GLIS3: variants seen among roughly 807,000 people sequenced by gnomAD.
The protein encoded by GLIS3 is zinc finger protein GLIS3.
Under a neutral mutation model 78.6 loss-of-function variants are expected in GLIS3, and 53 were observed. That is an observed-to-expected ratio of 0.67 (90% confidence interval 0.54 to 0.85). The LOEUF (loss-of-function observed/expected upper bound fraction) is 0.85. GLIS3 is among the 40% of genes least tolerant of loss of function. The pLI, the probability that GLIS3 is intolerant of heterozygous loss-of-function variation, is 0.00. For missense variants in GLIS3, 1,703 were observed against 1,231.1 expected (o/e 1.38, Z -5.74); for synonymous variants, 684 against 509.9 (o/e 1.34, Z -4.60).
the GLIS3 span, among the ~76,000 whole-genome samples, chr9:4,447,191 G>A: frequency 1.2e-4 from 18 of 152,156 alleles, no homozygotes; most frequent in South Asian, 2.7e-3. Context: ...GGGACTATAG[G>A]CATGTGCCAC....
intron 2 of GLIS3, among the ~76,000 whole-genome samples, chr9:4,321,932 G>C (rs1165377944): frequency 6.6e-6 from 1 of 152,076 alleles, no homozygotes; most frequent in Non-Finnish European, 1.5e-5. Flanking sequence ...ATAACCTGCA[G>C]GTTTGTTACA....
At chr9:4,087,494 C>A (rs1829132679) in intron 4 of GLIS3, among the ~76,000 whole-genome samples, 1 of 152,142 alleles carries the variant, frequency 6.6e-6, no homozygotes, top group South Asian at 2.1e-4. Context: ...AGGCCTCCCT[C>A]CTCCAGTGAA....
intron 6 of GLIS3, among the ~76,000 whole-genome samples, chr9:3,907,327 TAAG>T (rs1449873948): frequency 6.6e-6 from 1 of 152,188 alleles, no homozygotes; most frequent in African/African-American, 2.4e-5. Context: ...ATTGGATTTC[TAAG>T]AAGGAGCCAC....
intron 3 of GLIS3, among the ~76,000 whole-genome samples, chr9:4,121,346 A>G (rs578027564): frequency 8.5e-5 from 13 of 152,356 alleles, no homozygotes; most frequent in African/African-American, 2.9e-4. Context: ...ATATTCTTCA[A>G]TAAATTTCAA....
At chr9:4,296,708 TG>T (rs1392108352) in intron 1 of GLIS3, among the ~76,000 whole-genome samples, 1 of 152,034 alleles carries the variant, frequency 6.6e-6, no homozygotes, top group Non-Finnish European at 1.5e-5. Context: ...CTGAGTCTTC[TG>T]GGCAAGAAAA....
chr9:4,157,958 A>C (rs182664769), intron 2 of GLIS3, among the ~76,000 whole-genome samples: 50 of 152,354 alleles, frequency 3.3e-4, no homozygotes, highest in African/African-American at 1.1e-3. Context: ...TCTTCAACTG[A>C]TAATCTTGTT....
chr9:4,031,720 C>T (rs766345370), intron 4 of GLIS3, among the ~76,000 whole-genome samples: 24 of 151,940 alleles, frequency 1.6e-4, no homozygotes, highest in Non-Finnish European at 2.5e-4. Flanking sequence ...CTCATAGGTA[C>T]CAAAGGAAAA....
intron 4 of GLIS3, among the ~76,000 whole-genome samples, chr9:4,018,770 T>C (rs1395123943): frequency 6.6e-6 from 1 of 152,206 alleles, no homozygotes. Context: ...CCAGTGATTC[T>C]GATCCATGCC....
chr9:4,180,711 A>G (rs1035987516), intron 2 of GLIS3, among the ~76,000 whole-genome samples: 30 of 152,158 alleles, frequency 2.0e-4, no homozygotes, highest in African/African-American at 7.2e-4. Flanking sequence ...ATTCTTGTGC[A>G]TTGATTTTAT....
At chr9:4,395,677 G>C in the GLIS3 span, among the ~76,000 whole-genome samples, 36 of 151,972 alleles carry the variant, frequency 2.4e-4, no homozygotes, top group African/African-American at 8.5e-4. Context: ...AAAACTAACT[G>C]CTCTAACTTG....
At chr9:4,038,399 A>T (rs1165547776) in intron 4 of GLIS3, among the ~76,000 whole-genome samples, 1 of 152,194 alleles carries the variant, frequency 6.6e-6, no homozygotes, top group African/African-American at 2.4e-5. Context: ...AATTGGAAAA[A>T]TTGTCATCAA....
At chr9:4,067,069 T>C (rs1827161445) in intron 4 of GLIS3, among the ~76,000 whole-genome samples, 1 of 152,188 alleles carries the variant, frequency 6.6e-6, no homozygotes, top group Non-Finnish European at 1.5e-5. Flanking sequence ...TTCTTCCAAA[T>C]TCCTAGTTCC....
chr9:4,447,066 G>C, the GLIS3 span, among the ~76,000 whole-genome samples: 2 of 151,250 alleles, frequency 1.3e-5, no homozygotes, highest in Non-Finnish European at 2.9e-5. Flanking sequence ...TTTTTTAATA[G>C]AGACAAGGTC....
At chr9:4,057,933 A>G (rs1044360355) in intron 4 of GLIS3, among the ~76,000 whole-genome samples, 1 of 152,202 alleles carries the variant, frequency 6.6e-6, no homozygotes, top group Non-Finnish European at 1.5e-5. Flanking sequence ...CCAAACTGTA[A>G]AGAAAATATA....
the GLIS3 span, among the ~76,000 whole-genome samples, chr9:4,408,788 A>T: frequency 6.6e-6 from 1 of 151,704 alleles, no homozygotes. Context: ...ATGTCATAAC[A>T]GGGGGATTAT....
At chr9:4,386,939 C>G in the GLIS3 span, among the ~76,000 whole-genome samples, 1 of 152,056 alleles carries the variant, frequency 6.6e-6, no homozygotes, top group African/African-American at 2.4e-5. Context: ...GGGCATAGTC[C>G]CTGTTGAGGA....
chr9:4,027,487 C>T (rs374134943), intron 4 of GLIS3, among the ~76,000 whole-genome samples: 1 of 152,170 alleles, frequency 6.6e-6, no homozygotes, highest in Non-Finnish European at 1.5e-5. Flanking sequence ...TCACTCCCCC[C>T]ACCTCATCTA....
chr9:4,404,735 T>G, the GLIS3 span, among the ~76,000 whole-genome samples: 1 of 152,070 alleles, frequency 6.6e-6, no homozygotes, highest in South Asian at 2.1e-4. Flanking sequence ...TGAGATAAAT[T>G]TATAGCTATA....
At chr9:3,876,068 A>G (rs553787586) in intron 8 of GLIS3, among the ~76,000 whole-genome samples, 4 of 152,170 alleles carry the variant, frequency 2.6e-5, no homozygotes, top group Non-Finnish European at 5.9e-5. Flanking sequence ...TTTAATCCTA[A>G]TTCCCCATAA....
Sources: allele counts gnomAD v4.1 joint callset (sites outside exome capture counted in the v4.1 genomes callset), GRCh38; gene constraint gnomAD v4.1.1; transcripts MANE v1.5; gene names NCBI Gene and HGNC (gene_info 2026-07-23, HGNC 2026-07-21).